BRWD1: variants seen among roughly 807,000 people sequenced by gnomAD.
BRWD1 encodes bromodomain and WD repeat-containing protein 1.
A neutral mutation model predicts 251.2 loss-of-function variants in BRWD1; 82 were observed. The observed-to-expected ratio is 0.33, with a 90% CI of 0.27 to 0.39. BRWD1 has a LOEUF of 0.39. BRWD1 is among the 10% of genes least tolerant of loss of function. BRWD1 has a pLI of 1.00. For missense variants in BRWD1, 2,233 were observed against 2,711.6 expected (o/e 0.82, Z 3.92); for synonymous variants, 918 against 902.8 (o/e 1.02, Z -0.30).
rs199835337 is a variant in BRWD1, at chr21:39,218,506, A to G, written c.3537T>C (p.Leu1179=). 2.0e-4 allele frequency: 317 copies of G among 1,570,056 alleles called. No individual in the cohort carries two copies. Among genetic ancestry groups the G allele is most frequent in the Middle Eastern group, 5.1e-4 (3 of 5,880 alleles). The change falls in exon 30 of 41, where the codon CTT becomes CTC. Residue 1179 remains leucine (L), a splice_region_variant and synonymous_variant. Transcript: ENST00000342449. ...CATCCTAAAAAATAAAAAACTTACCAAGATTCAAAAGTTGATCTATACCAC... is the reference window on the plus strand; with the variant it reads ...CATCCTAAAAAATAAAAAACTTACCGAGATTCAAAAGTTGATCTATACCAC... ...IISGIDQLLN[L]DIAAAFAGPV...
chr21:39,220,140 G>C (rs528152954), intron 29 of BRWD1, among the ~76,000 whole-genome samples: 1 of 152,098 alleles, frequency 6.6e-6, no homozygotes, highest in Non-Finnish European at 1.5e-5. Flanking sequence ...GTGTGGGTGT[G>C]TCTGTTTTAA....
chr21:39,316,800 G>A (rs1479755173), upstream of BRWD1, among the ~76,000 whole-genome samples: 2 of 152,122 alleles, frequency 1.3e-5, no homozygotes, highest in African/African-American at 2.4e-5. Flanking sequence ...AGCCAGGGGT[G>A]GTAGGTGTGT....
At position 39,250,842 on chromosome 21, in the gene BRWD1, A is replaced by T; in HGVS notation, c.2303T>A (p.Leu768His). 1.2e-6 allele frequency: 2 copies of T among 1,601,086 alleles called. No homozygotes were observed. The highest frequency in any genetic ancestry group is 1.7e-6 in the Non-Finnish European group (2 of 1,174,806). ...RLEKGEEERN[L>H]YIIGRKRKTL... Reference sequence around the variant, plus strand: ...CTTTCTTTTTCTTCCTATTATATAAAGATTTCTTTCCTCTTCACCTTTCTC... The same window carrying T: ...CTTTCTTTTTCTTCCTATTATATAATGATTTCTTTCCTCTTCACCTTTCTC... Residue 768 changes from leucine (L) to histidine (H), a missense_variant, in exon 20 of 41, where the codon CTT becomes CAT. Around this residue, in one of 12 missense-constraint regions of BRWD1, gnomAD observed 214 missense variants for 222.0 expected, o/e 0.96. Coordinates refer to ENST00000342449, the MANE Select transcript of BRWD1 (RefSeq NM_033656.4).
chr21:39,216,855 G>T (rs2032915803), intron 31 of BRWD1: 2 of 200,718 alleles, frequency 1.0e-5, no homozygotes, highest in South Asian at 8.2e-5. Context: ...GTGCCACAGG[G>T]GTTGGCTATA....
intron 8 of BRWD1, among the ~76,000 whole-genome samples, chr21:39,281,371 G>T (rs937213497): frequency 6.6e-5 from 10 of 152,176 alleles, no homozygotes; most frequent in Non-Finnish European, 7.3e-5. Flanking sequence ...CTAGAATGGG[G>T]AGGAAAGACC....
intron 20 of BRWD1, among the ~76,000 whole-genome samples, chr21:39,248,215 A>G (rs186408746): frequency 7.4e-4 from 113 of 152,318 alleles, no homozygotes; most frequent in Admixed American, 4.2e-3. Flanking sequence ...CACTATCTCT[A>G]TACATAGGTG....
intron 17 of BRWD1, among the ~76,000 whole-genome samples, chr21:39,260,747 G>A (rs1396548847): frequency 6.6e-6 from 1 of 152,170 alleles, no homozygotes; most frequent in Non-Finnish European, 1.5e-5. Context: ...TAGTCTCCAG[G>A]TTACAGAACA....
At chr21:39,307,536 T>C (rs1240319984) in intron 4 of BRWD1, among the ~76,000 whole-genome samples, 3 of 152,338 alleles carry the variant, frequency 2.0e-5, no homozygotes, top group African/African-American at 7.2e-5. Flanking sequence ...TTTTTCTTCA[T>C]CTTCGCTTGT....
chr21:39,197,665 C>CTACTAGGGTG (rs1339194109), intron 40 of BRWD1, among the ~76,000 whole-genome samples: 1 of 152,096 alleles, frequency 6.6e-6, no homozygotes, highest in Non-Finnish European at 1.5e-5. Flanking sequence ...ACAGTACACC[C>CTACTAGGGTG]TACTACACAT....
intron 31 of BRWD1, 119 bp from the exon 32 acceptor site, chr21:39,215,481 T>G (rs2032849860): frequency 2.4e-6 from 2 of 830,676 alleles, no homozygotes; most frequent in Admixed American, 4.9e-5. Flanking sequence ...AGTGCAAAGT[T>G]ATAATGAATA....
At chr21:39,314,405 T>G (rs2036648983), upstream of BRWD1, 1 of 449,766 alleles carries the variant, frequency 2.2e-6, no homozygotes, top group African/African-American at 2.0e-5. Flanking sequence ...CTCGGCTGGA[T>G]CCATCCAAGC....
chr21:39,206,807 A>G (rs911992325), intron 36 of BRWD1, among the ~76,000 whole-genome samples: 6 of 152,242 alleles, frequency 3.9e-5, no homozygotes, highest in Admixed American at 2.0e-4. Context: ...CATATGAAAG[A>G]TTTGTTTTAA....
chr21:39,202,946 T>C (rs1302368996), intron 37 of BRWD1, among the ~76,000 whole-genome samples: 1 of 152,184 alleles, frequency 6.6e-6, no homozygotes, highest in Non-Finnish European at 1.5e-5. Flanking sequence ...AGACAGAATA[T>C]GGTTAAGAGG....
At chr21:39,292,002 A>C (rs908522311) in intron 8 of BRWD1, among the ~76,000 whole-genome samples, 3 of 151,658 alleles carry the variant, frequency 2.0e-5, no homozygotes, top group Admixed American at 2.0e-4. Context: ...GCTGGAATGC[A>C]CTGGTGCGAT....
rs550933793 is a variant in BRWD1 at position 39,192,881 on chromosome 21, T to A, written c.*3378A>T. Reference sequence around the variant, plus strand: ...ACAGAAAATATTAAAATTCTTCCTATTTTTAATATCAAACAGGGAGGTTAG... The same window carrying A: ...ACAGAAAATATTAAAATTCTTCCTAATTTTAATATCAAACAGGGAGGTTAG... On this transcript the variant is annotated 3_prime_UTR_variant, in exon 41 of 41. Transcript: ENST00000342449. 4 of 902,708 alleles carry A rather than the reference T, an allele frequency of 4.4e-6. No individual in the cohort carries two copies. In the African/African-American group the frequency reaches 9.0e-5, roughly 20 times the overall value. 55.9% of individuals were successfully genotyped at this position (902,708 alleles called of 1,614,324 possible). A position where few individuals can be genotyped will look rare whatever the true frequency, so the allele number is the denominator to read the frequency against.
intron 17 of BRWD1, among the ~76,000 whole-genome samples, chr21:39,258,957 G>A (rs962943158): frequency 1.3e-5 from 2 of 152,182 alleles, no homozygotes; most frequent in Admixed American, 6.5e-5. Context: ...ACTTTATTAC[G>A]CTGTTTCACA....
Position 39,290,024 on chromosome 21 carries a change from C to CAAAAA in BRWD1, c.831+3782_831+3786dup, listed in dbSNP as rs376359142. On this transcript the variant is annotated intron_variant, in intron 8 of 40. Coordinates refer to ENST00000342449, the MANE Select transcript of BRWD1 (RefSeq NM_033656.4). ...TGGGTGACAGAGTGAGACTCCATCT[C>CAAAAA]AAAAAAAAAAAAAAAGAAGCTAGCA... Among the ~76,000 whole-genome samples, 10 of 108,282 alleles carry CAAAAA rather than the reference C, an allele frequency of 9.2e-5. No individual in the cohort carries two copies. In the Admixed American group the frequency reaches 9.8e-4, roughly 11 times the overall value. The allele number at this position is 108,282 out of a possible 152,430, so 71.0% of individuals were successfully genotyped here. A position where few individuals can be genotyped will look rare whatever the true frequency, so the allele number is the denominator to read the frequency against.
In BRWD1 at chr21:39,199,547, T is replaced by A. The variant is rs923220692; in HGVS notation, c.4869A>T (p.Gly1623=). 1.9e-6 allele frequency: 3 copies of A among 1,614,094 alleles called. No homozygotes were observed. Among genetic ancestry groups the A allele is most frequent in the Non-Finnish European group, 2.5e-6 (3 of 1,180,048 alleles). ...ETGEILKARA[G]NNRKVLRKCA... ...ACTTCCTTAAGACTTTTCGGTTATT[T>A]CCAGCTCTGGCTTTTAGAATTTCAC... The change falls in exon 40 of 41, where the codon GGA becomes GGT. Residue 1623 remains glycine (G), a synonymous_variant. Coordinates refer to ENST00000342449, the MANE Select transcript of BRWD1 (RefSeq NM_033656.4).
At chr21:39,212,547 TAATAA>T in intron 34 of BRWD1, 114 bp downstream of exon 34, 2 of 722,338 alleles carry the variant, frequency 2.8e-6, no homozygotes, top group Non-Finnish European at 4.6e-6. Flanking sequence ...CCCATTTTGC[TAATAA>T]AATATTCAGT....
Sources: allele counts gnomAD v4.1 joint callset (sites outside exome capture counted in the v4.1 genomes callset), GRCh38; gene constraint gnomAD v4.1.1; regional missense constraint gnomAD v4.1.1; transcripts MANE v1.5; gene names NCBI Gene and HGNC (gene_info 2026-07-23, HGNC 2026-07-21).